CFAP57: variants seen among roughly 807,000 people sequenced by gnomAD.
CFAP57 encodes cilia- and flagella-associated protein 57.
Under a neutral mutation model 146.8 loss-of-function variants are expected in CFAP57, and 116 were observed. The ratio of observed to expected loss-of-function variants is 0.79; its 90% confidence interval spans 0.68 to 0.92. The LOEUF is 0.92. Ranked by LOEUF, CFAP57 falls within the 40% of genes least tolerant of loss-of-function variation. The pLI is 0.00. For synonymous variants in CFAP57, 518 were observed against 552.8 expected (o/e 0.94, Z 0.88); for missense variants, 1,377 against 1,527.2 (o/e 0.90, Z 1.64).
intron 14 of CFAP57, among the ~76,000 whole-genome samples, chr1:43,221,719 C>G (rs932719915): frequency 1.3e-5 from 2 of 152,178 alleles, no homozygotes; most frequent in African/African-American, 4.8e-5. Flanking sequence ...ATAGTCTTGC[C>G]TTGGGTCCCA....
intron 13 of CFAP57, among the ~76,000 whole-genome samples, chr1:43,221,106 G>A (rs1315841818): frequency 1.3e-5 from 2 of 152,124 alleles, no homozygotes; most frequent in African/African-American, 2.4e-5. Flanking sequence ...AAGTCCTTTT[G>A]ACACGTGTCC....
At chr1:43,192,419 C>A (rs990270711) in intron 6 of CFAP57, among the ~76,000 whole-genome samples, 3 of 152,158 alleles carry the variant, frequency 2.0e-5, no homozygotes, top group Non-Finnish European at 2.9e-5. Context: ...GTCAGGAGTT[C>A]ATGACCAGCC....
rs1344271281 is a variant in CFAP57, at chr1:43,238,709, G to A, written c.3405+4071G>A. Among the ~76,000 whole-genome samples, 1 of 152,144 alleles carries A rather than the reference G, an allele frequency of 6.6e-6. No homozygotes were observed. Among genetic ancestry groups the A allele is most frequent in the African/African-American group, 2.4e-5 (1 of 41,420 alleles). The stretch of plus-strand genomic sequence containing the variant: ...GCAGGTAGCCCAACTTATACTTATT[G>A]GGAGTGTCCTTGGCCATCATACTAT... On this transcript the variant is annotated intron_variant, in intron 21 of 22. Transcript: ENST00000372492. The surrounding 1 kb of genome is among the most constrained non-coding windows in gnomAD (Gnocchi z 4.3).
At chr1:43,216,392 G>T (rs915902443) in intron 12 of CFAP57, among the ~76,000 whole-genome samples, 2 of 152,238 alleles carry the variant, frequency 1.3e-5, no homozygotes, top group African/African-American at 4.8e-5. Flanking sequence ...AGAGGGAGAA[G>T]AGGATGAGGG....
Position 43,186,818 on chromosome 1 carries a change from C to G in CFAP57, c.1081C>G (p.Gln361Glu). Residue 361 changes from glutamine (Q) to glutamate (E), a missense_variant, in exon 6 of 23, where the codon CAA (glutamine) becomes GAA (glutamate). By Grantham distance (29) the Gln-to-Glu change is conservative. Coordinates refer to ENST00000372492, the MANE Select transcript of CFAP57 (RefSeq NM_001378189.1). ...ETLVASTSKN[Q>E]LYSITMSLTE... ...TCTGGTTGCCAGCACCAGTAAGAAC[C>G]AACTCTACAGCATCACCATGTCCCT... The G allele has an allele frequency of 6.2e-7, 1 of 1,614,078 alleles. No individual in the cohort carries two copies. Among genetic ancestry groups the G allele is most frequent in the Non-Finnish European group, 8.5e-7 (1 of 1,180,014 alleles).
intron 4 of CFAP57, 36 bp downstream of exon 4, chr1:43,183,913 A>C: frequency 6.2e-7 from 1 of 1,612,040 alleles, no homozygotes; most frequent in East Asian, 2.2e-5. Context: ...TCCCACATTC[A>C]TTGTACTGAC....
chr1:43,183,888 T>A lies in CFAP57; in HGVS notation c.761+11T>A. 1 of 1,613,468 alleles carries A rather than the reference T, an allele frequency of 6.2e-7. No individual in the cohort carries two copies. The highest frequency in any genetic ancestry group is 1.1e-5 in the South Asian group (1 of 90,924). ...TCAGGAATCAGAGAGGTAATGGTGC[T>A]TCCTGGGCTGGTGCTCCCACATTCA... On this transcript the variant is annotated intron_variant, in intron 4 of 22. Transcript: ENST00000372492.
In CFAP57 at chr1:43,222,183, A is replaced by C. The variant is rs1458304285; in HGVS notation, c.2420A>C (p.Glu807Ala). 1 of 1,546,252 alleles carries C rather than the reference A, an allele frequency of 6.5e-7. No individual in the cohort carries two copies. The highest frequency in any genetic ancestry group is 1.2e-5 in the South Asian group (1 of 83,376). ...ELQLKSQRMQ[E>A]EYEKQLRDND... ...CAGCTCAAGTCCCAGAGGATGCAGG[A>C]AGAGTATGAAAAACAGCTCCGGGAT... is the stretch of plus-strand genomic sequence containing the variant. Residue 807 changes from glutamate (E) to alanine (A), a missense_variant, in exon 15 of 23, where the codon GAA becomes GCA. Physicochemically the swap from Glu to Ala is moderately radical, Grantham distance 107 (BLOSUM62 -1). Transcript: ENST00000372492.
chr1:43,254,017 G>A lies in CFAP57; in HGVS notation c.3579G>A (p.Arg1193=). The change falls in exon 23 of 23, where the codon AGG becomes AGA. Residue 1193 remains arginine, a synonymous_variant. Coordinates refer to ENST00000372492, the MANE Select transcript of CFAP57 (RefSeq NM_001378189.1). ...RDMLSTAPTA[R]LNEQEETGRI... is the part of the protein sequence containing the mutation. ...TGCTCAGCACAGCTCCCACCGCAAGGTTGAATGAGCAAGAAGAAACTGGGA... is the reference window on the plus strand; with the variant it reads ...TGCTCAGCACAGCTCCCACCGCAAGATTGAATGAGCAAGAAGAAACTGGGA... The A allele has an allele frequency of 6.4e-7, 1 of 1,550,598 alleles. No homozygotes were observed. Among genetic ancestry groups the A allele is most frequent in the South Asian group, 1.2e-5 (1 of 84,056 alleles).
At chr1:43,217,222 C>T (rs1644867502) in intron 12 of CFAP57, among the ~76,000 whole-genome samples, 1 of 152,132 alleles carries the variant, frequency 6.6e-6, no homozygotes, top group Admixed American at 6.5e-5. Context: ...GCCTTTTACA[C>T]CCTGCATTAG....
At chr1:43,215,003 T>C (rs952350546) in intron 11 of CFAP57, among the ~76,000 whole-genome samples, 4 of 152,206 alleles carry the variant, frequency 2.6e-5, no homozygotes, top group Non-Finnish European at 4.4e-5. Flanking sequence ...TTTGAGAGTT[T>C]CTTGTTCGTT....
At chr1:43,219,691 A>T (rs1441287620) in intron 13 of CFAP57, 154 bp downstream of exon 13, 2 of 1,001,712 alleles carry the variant, frequency 2.0e-6, no homozygotes, top group African/African-American at 3.2e-5. Flanking sequence ...AAATGCTTAC[A>T]ACTGGCCAGG....
chr1:43,186,610 CAAAAAAA>C (rs36219136), intron 5 of CFAP57, 90 bp from the exon 6 acceptor site: 66,430 of 746,036 alleles, frequency 0.089, 1,150 homozygotes, highest in African/African-American at 0.24. Flanking sequence ...GACTCCGTCT[CAAAAAAA>C]AAAAAAAAAA....
chr1:43,215,879 G>C (rs765499112), intron 12 of CFAP57, among the ~76,000 whole-genome samples: 6 of 152,228 alleles, frequency 3.9e-5, no homozygotes, highest in Non-Finnish European at 5.9e-5. Context: ...GAGAGCTTGA[G>C]GGATGTGTTC....
chr1:43,206,421 T>C lies in CFAP57; in HGVS notation c.1543-299T>C. ...TGAATACATAATTATTTCAAAAATG[T>C]TTTGAAAAAACAGCAATAATTGGTT... On this transcript the variant is annotated intron_variant, in intron 9 of 22. Coordinates refer to ENST00000372492, the MANE Select transcript of CFAP57 (RefSeq NM_001378189.1). The C allele has an allele frequency of 8.9e-6, 3 of 336,510 alleles. No homozygotes were observed. The South Asian group carries it at 1.7e-4, about 20-fold the overall frequency. 20.8% of individuals were successfully genotyped at this position (336,510 alleles called of 1,614,324 possible).
At chr1:43,216,874 G>T (rs1037520115) in intron 12 of CFAP57, among the ~76,000 whole-genome samples, 9 of 152,198 alleles carry the variant, frequency 5.9e-5, no homozygotes, top group Admixed American at 2.6e-4. Flanking sequence ...TAAGGTCTGG[G>T]ATTACAGAGA....
Position 43,219,557 on chromosome 1 carries a change from C to A in CFAP57, c.2247+20C>A. The A allele has an allele frequency of 5.2e-6, 8 of 1,550,016 alleles. No homozygotes were observed. Among genetic ancestry groups the A allele is most frequent in the South Asian group, 1.2e-5 (1 of 83,876 alleles). On this transcript the variant is annotated intron_variant, in intron 13 of 22. Coordinates refer to ENST00000372492, the MANE Select transcript of CFAP57 (RefSeq NM_001378189.1). ...AACCAGGTCTGTTTAAGAGACTGAC[C>A]AACAAGCACAAATAACAAGAAATTT...
At chr1:43,210,357 T>C (rs1198853902) in intron 11 of CFAP57, 4 of 1,331,076 alleles carry the variant, frequency 3.0e-6, no homozygotes, top group Non-Finnish European at 3.9e-6. Context: ...ATTTGTAAAT[T>C]GTCCTTCCAT....
intron 15 of CFAP57, 148 bp downstream of exon 15, chr1:43,222,443 G>A: frequency 1.5e-6 from 1 of 657,830 alleles, no homozygotes; most frequent in Non-Finnish European, 2.3e-6. Context: ...TATATCAAAT[G>A]GGAGAGACAG....
Sources: allele counts gnomAD v4.1 joint callset (sites outside exome capture counted in the v4.1 genomes callset), GRCh38; gene constraint gnomAD v4.1.1; non-coding constraint Gnocchi (gnomAD v3.1); transcripts MANE v1.5; gene names NCBI Gene and HGNC (gene_info 2026-07-23, HGNC 2026-07-21).